The following OAF variants were observed in gnomAD, a reference collection of about 807,000 sequenced individuals.
The protein encoded by OAF is out at first homolog, also known as out at first protein homolog.
A neutral mutation model predicts 22.5 loss-of-function variants in OAF; 13 were observed. The observed-to-expected ratio is 0.58, with a 90% confidence interval of 0.38 to 0.92. The LOEUF (loss-of-function observed/expected upper bound fraction) is 0.92. OAF is among the 40% of genes least tolerant of loss of function. The pLI is 0.00. For missense variants in OAF, 347 were observed against 381.8 expected, an observed-to-expected ratio of 0.91 and a Z score of 0.76; for synonymous variants, 175 against 170.5, an observed-to-expected ratio of 1.03 and a Z score of -0.21.
At chr11:120,222,253 T>C (rs927598855) in intron 1 of OAF, among the ~76,000 whole-genome samples, 3 of 152,188 alleles carry the variant, frequency 2.0e-5, no homozygotes, top group African/African-American at 7.2e-5. Flanking sequence ...GGAATGTGCT[T>C]TTCTGGGGAA....
rs147749671 is a variant in OAF, at chr11:120,220,463, A to T, written c.232-5198A>T. On this transcript the variant is annotated intron_variant, in intron 1 of 3. Transcript: ENST00000328965. ...GAGCACCTGCTGTGTTCCAGGGGGC[A>T]GGGATGCACTTCAAGCAAGCCACTT... Among the ~76,000 whole-genome samples, 63 of 152,322 alleles carry T rather than the reference A, an allele frequency of 4.1e-4. No homozygotes were observed. The East Asian group carries it at 0.012, about 29-fold the overall frequency.
At chr11:120,223,731 G>C (rs550695794) in intron 1 of OAF, among the ~76,000 whole-genome samples, 4 of 152,196 alleles carry the variant, frequency 2.6e-5, no homozygotes, top group African/African-American at 9.7e-5. Context: ...TGAGACTTCC[G>C]GATATTTCCT....
chr11:120,225,931 T>C, intron 2 of OAF, 136 bp downstream of exon 2: 1 of 709,550 alleles, frequency 1.4e-6, no homozygotes. Context: ...TAAGCTCTGA[T>C]TCCCCAACCT....
intron 3 of OAF, among the ~76,000 whole-genome samples, chr11:120,227,664 G>C (rs1203475483): frequency 6.6e-6 from 1 of 152,078 alleles, no homozygotes; most frequent in Non-Finnish European, 1.5e-5. Flanking sequence ...CCCCTCTCTG[G>C]GTACCTTTTC....
intron 1 of OAF, among the ~76,000 whole-genome samples, chr11:120,225,184 G>A (rs1253927068): frequency 6.6e-6 from 1 of 152,094 alleles, no homozygotes. Flanking sequence ...CAGGAGCCTG[G>A]CCAATCAGAA....
At chr11:120,227,981 A>G (rs535889404) in intron 3 of OAF, among the ~76,000 whole-genome samples, 7 of 151,820 alleles carry the variant, frequency 4.6e-5, no homozygotes, top group Non-Finnish European at 7.4e-5. Context: ...CAGCGCCCCA[A>G]TATGCACACT....
intron 1 of OAF, among the ~76,000 whole-genome samples, chr11:120,217,935 G>A (rs1938233690): frequency 6.6e-6 from 1 of 152,204 alleles, no homozygotes; most frequent in African/African-American, 2.4e-5. Context: ...GTGTTGAAGT[G>A]GCTGCCACTA....
At position 120,211,330 on chromosome 11, in the gene OAF, G is replaced by A. The variant is rs1938141255; in HGVS notation, c.51G>A (p.Leu17=). 2 of 1,400,800 alleles carry A rather than the reference G, an allele frequency of 1.4e-6. No homozygotes were observed. Among genetic ancestry groups the A allele is most frequent in the Non-Finnish European group, 1.9e-6 (2 of 1,077,188 alleles). 86.8% of individuals were successfully genotyped at this position (1,400,800 alleles called of 1,614,324 possible). Residue 17 remains leucine, a synonymous_variant, in exon 1 of 4, where the codon CTG becomes CTA. Transcript: ENST00000328965. ...CGCGCCCTGCGCTGCTGCTGCTGCT[G>A]CCGCTGCTCGCGCCGCTGCTGGGAA... ...PLARPALLLL[L]PLLAPLLGTG... is the part of the protein sequence containing the mutation.
At chr11:120,225,043 G>T (rs1446320076) in intron 1 of OAF, among the ~76,000 whole-genome samples, 1 of 152,148 alleles carries the variant, frequency 6.6e-6, no homozygotes, top group Non-Finnish European at 1.5e-5. Flanking sequence ...AAGGGGAAGT[G>T]GGGAGGGAAA....
chr11:120,211,631 C>T, intron 1 of OAF, 121 bp downstream of exon 1: 2 of 583,960 alleles, frequency 3.4e-6, no homozygotes, highest in Middle Eastern at 5.0e-4. Flanking sequence ...GGCCCAAGGT[C>T]ACGCCGGGCT....
intron 1 of OAF, among the ~76,000 whole-genome samples, chr11:120,219,892 G>A (rs980580073): frequency 4.6e-5 from 7 of 152,226 alleles, no homozygotes; most frequent in African/African-American, 1.7e-4. Flanking sequence ...CCCAGCTGCA[G>A]GCAAGGCCGA....
At chr11:120,220,022 TG>T (rs1313130791) in intron 1 of OAF, among the ~76,000 whole-genome samples, 1 of 152,188 alleles carries the variant, frequency 6.6e-6, no homozygotes, top group African/African-American at 2.4e-5. Flanking sequence ...AGGGTCACCA[TG>T]TGAATAGGCT....
intron 1 of OAF, among the ~76,000 whole-genome samples, chr11:120,216,261 G>A (rs930906884): frequency 1.3e-5 from 2 of 152,172 alleles, no homozygotes; most frequent in African/African-American, 2.4e-5. Flanking sequence ...CAATGTCCAC[G>A]TTGCCACCTA....
intron 1 of OAF, among the ~76,000 whole-genome samples, chr11:120,224,234 A>G (rs761261836): frequency 1.1e-4 from 16 of 152,200 alleles, no homozygotes; most frequent in Non-Finnish European, 2.2e-4. Flanking sequence ...AATGGCAAGT[A>G]AGAGAAACTC....
chr11:120,211,598 G>C (rs1244531137), intron 1 of OAF, 88 bp downstream of exon 1: 1 of 932,590 alleles, frequency 1.1e-6, no homozygotes, highest in Non-Finnish European at 1.5e-6. Flanking sequence ...ACGGAAAGAC[G>C]GGCCCAGGAG....
At chr11:120,225,929 G>T in intron 2 of OAF, 134 bp downstream of exon 2, 1 of 736,226 alleles carries the variant, frequency 1.4e-6, no homozygotes, top group South Asian at 1.8e-5. Context: ...TCTAAGCTCT[G>T]ATTCCCCAAC....
chr11:120,216,629 C>T (rs1023652608), intron 1 of OAF, among the ~76,000 whole-genome samples: 2 of 152,164 alleles, frequency 1.3e-5, no homozygotes, highest in Non-Finnish European at 2.9e-5. Flanking sequence ...GACCCCCTCC[C>T]GGGAGCTTGG....
intron 1 of OAF, among the ~76,000 whole-genome samples, chr11:120,219,268 G>A (rs1363968301): frequency 1.3e-5 from 2 of 152,126 alleles, no homozygotes; most frequent in African/African-American, 4.8e-5. Context: ...GAGACCTTGC[G>A]GGAAGGAGAC....
Position 120,211,311 on chromosome 11 carries a change from C to T in OAF, c.32C>T (p.Pro11Leu). The part of the protein sequence containing the change: MRLPGVPLAR[P>L]ALLLLLPLLA... ...CTTCCCGGGGTACCCCTGGCGCGCC[C>T]TGCGCTGCTGCTGCTGCTGCCGCTG... Residue 11 changes from proline (P) to leucine (L), a missense_variant, in exon 1 of 4, where the codon CCT becomes CTT. Physicochemically the swap from Pro to Leu is moderately conservative, Grantham distance 98. Coordinates refer to ENST00000328965, the MANE Select transcript of OAF (RefSeq NM_178507.4). The T allele has an allele frequency of 7.4e-7, 1 of 1,351,216 alleles. No homozygotes were observed. The highest frequency in any genetic ancestry group is 1.8e-5 in the South Asian group (1 of 56,168). 83.7% of individuals were successfully genotyped at this position (1,351,216 alleles called of 1,614,324 possible). A position where few individuals can be genotyped will look rare whatever the true frequency, so the allele number is the denominator to read the frequency against.
Sources: gnomAD v4.1 joint callset for allele counts (sites outside exome capture counted in the v4.1 genomes callset) on GRCh38, gnomAD v4.1.1 for gene constraint, MANE v1.5 for transcripts, NCBI Gene and HGNC (gene_info 2026-07-23, HGNC 2026-07-21) for gene names.